The following PAX9 variants were observed in gnomAD, a reference collection of about 807,000 sequenced individuals.
PAX9 encodes the protein paired box protein Pax-9.
PAX9 carries 6 observed loss-of-function variants against 29.1 expected under a neutral mutation model. The ratio of observed to expected loss-of-function variants is 0.21; its 90% confidence interval spans 0.11 to 0.41. The LOEUF (loss-of-function observed/expected upper bound fraction) is 0.41. PAX9 is among the 10% of genes least tolerant of loss of function. PAX9 has a pLI of 1.00. For synonymous variants in PAX9, 217 were observed against 211.7 expected (o/e 1.03, Z -0.22); for missense variants, 443 against 479.1 (o/e 0.92, Z 0.70).
chr14:36,661,864 C>A lies in PAX9; in HGVS notation c.-226C>A. 1.6e-6 allele frequency: 1 copy of A among 630,538 alleles called. No individual in the cohort carries two copies. 39.1% of individuals were successfully genotyped at this position (630,538 alleles called of 1,614,324 possible). On this transcript the variant is annotated 5_prime_UTR_variant, in exon 1 of 4. Transcript: ENST00000361487. ...CGGAGCCGCCCTGCCCTGCTCAGCC[C>A]AGCCCACGTTGCTGCTTAGATTGAA...
At chr14:36,666,124 G>A (rs984381123) in intron 2 of PAX9, 6 of 305,562 alleles carry the variant, frequency 2.0e-5, no homozygotes, top group Non-Finnish European at 3.1e-5. Flanking sequence ...AGCCTTAAGG[G>A]TTCCTTCTCC....
At chr14:36,668,489 A>G (rs1260404516) in intron 3 of PAX9, among the ~76,000 whole-genome samples, 1 of 152,188 alleles carries the variant, frequency 6.6e-6, no homozygotes, top group Non-Finnish European at 1.5e-5. Context: ...CCCGGGTTCA[A>G]GCGGTTCTCC....
upstream of PAX9, among the ~76,000 whole-genome samples, chr14:36,660,306 C>T (rs1194227674): frequency 6.6e-6 from 1 of 152,180 alleles, no homozygotes; most frequent in Non-Finnish European, 1.5e-5. Flanking sequence ...GCTATCAAGT[C>T]AAACTTCAAG....
chr14:36,674,777 AAC>A (rs1417825339), intron 3 of PAX9, among the ~76,000 whole-genome samples: 2 of 152,354 alleles, frequency 1.3e-5, no homozygotes, highest in East Asian at 3.9e-4. Flanking sequence ...AACATTGAAA[AAC>A]ACAACATGAG....
rs1057319266 is a variant in PAX9, at chr14:36,662,611, T to G, written c.5-286T>G. The G allele has an allele frequency of 2.3e-5, 12 of 515,292 alleles. No individual in the cohort carries two copies. In the Admixed American group the frequency reaches 3.5e-4, roughly 15 times the overall value. The allele number at this position is 515,292 out of a possible 1,614,324, so 31.9% of individuals were successfully genotyped here. ...AGGCGTCAAGACCGATTTCTCCCCC[T>G]GCTTCGGGAGACTTTTGAACGCTCG... On this transcript the variant is annotated intron_variant, in intron 1 of 3. Coordinates refer to ENST00000361487, the MANE Select transcript of PAX9 (RefSeq NM_001372076.1).
upstream of PAX9, chr14:36,657,589 A>G (rs1188735736): frequency 6.6e-6 from 1 of 152,194 alleles, no homozygotes; most frequent in South Asian, 2.1e-4. Context: ...TCTCGCAAGG[A>G]GAAAGCGGGC....
rs1032508360 is a variant in PAX9 at position 36,678,428 on chromosome 14, G to A, written c.*1976G>A. 1.1e-5 allele frequency: 15 copies of A among 1,381,486 alleles called. No homozygotes were observed. The African/African-American group carries it at 2.1e-4, about 20-fold the overall frequency. 85.6% of individuals were successfully genotyped at this position (1,381,486 alleles called of 1,614,324 possible). A position where few individuals can be genotyped will look rare whatever the true frequency, so the allele number is the denominator to read the frequency against. On this transcript the variant is annotated 3_prime_UTR_variant, in exon 4 of 4. Transcript: ENST00000361487. ...AGCAGAAGGAGCAGATGAACTCTCA[G>A]GGCCATAGTCTTCCTTTGATCTTGT... is the stretch of plus-strand genomic sequence containing the variant.
intron 3 of PAX9, among the ~76,000 whole-genome samples, chr14:36,674,435 T>C (rs1881808895): frequency 6.6e-6 from 1 of 152,246 alleles, no homozygotes; most frequent in South Asian, 2.1e-4. Flanking sequence ...TGAGGGTACA[T>C]GGCTAAACCT....
At chr14:36,666,831 G>T (rs1241839875) in intron 3 of PAX9, among the ~76,000 whole-genome samples, 1 of 152,346 alleles carries the variant, frequency 6.6e-6, no homozygotes, top group Non-Finnish European at 1.5e-5. Flanking sequence ...GCTCGTCAGG[G>T]CGCTGGGGGT....
Position 36,663,241 on chromosome 14 carries a change from G to T in PAX9, c.349G>T (p.Val117Leu). Residue 117 changes from valine to leucine, a missense_variant, in exon 2 of 4, where the codon GTG (valine) becomes TTG (leucine). Val to Leu is a conservative substitution (Grantham distance 32). Coordinates refer to ENST00000361487, the MANE Select transcript of PAX9 (RefSeq NM_001372076.1). ...LADGVCDKYN[V>L]PSVSSISRIL... ...GGACGGCGTGTGCGACAAGTACAAT[G>T]TGCCCTCCGTGAGCTCCATCAGCCG... 1 of 1,614,110 alleles carries T rather than the reference G, an allele frequency of 6.2e-7. No individual in the cohort carries two copies. The highest frequency in any genetic ancestry group is 8.5e-7 in the Non-Finnish European group (1 of 1,180,040).
At chr14:36,657,900 G>A (rs1179937872), upstream of PAX9, 1 of 152,344 alleles carries the variant, frequency 6.6e-6, no homozygotes, top group Non-Finnish European at 1.5e-5. Context: ...CCAGGCCGCA[G>A]GTCAGTGTGC....
chr14:36,678,546 G>A lies in PAX9; in HGVS notation c.*2094G>A. 5.9e-6 allele frequency: 9 copies of A among 1,536,552 alleles called. No homozygotes were observed. Among genetic ancestry groups the A allele is most frequent in the Non-Finnish European group, 7.0e-6 (8 of 1,146,574 alleles). On this transcript the variant is annotated 3_prime_UTR_variant, in exon 4 of 4. Transcript: ENST00000361487. ...AGATCCAATCCAATATTTTGGTGGA[G>A]ACTTCTTTAAAACCATACCATACAG... is the stretch of plus-strand genomic sequence containing the variant.
intron 2 of PAX9, 40 bp downstream of exon 2, chr14:36,663,563 T>A: frequency 6.2e-7 from 1 of 1,611,188 alleles, no homozygotes; most frequent in Non-Finnish European, 8.5e-7. Flanking sequence ...GTGCAGCGTC[T>A]GCCCCCGCAC....
At position 36,672,852 on chromosome 14, in the gene PAX9, C is replaced by CTTTTTT. The variant is rs3061562; in HGVS notation, c.772-3321_772-3316dup. Among the ~76,000 whole-genome samples the CTTTTTT allele has an allele frequency of 9.4e-4, 18 of 19,160 alleles. 5 individuals carry two copies. The highest frequency in any genetic ancestry group is 1.1e-3 in the Non-Finnish European group (11 of 10,444). 12.6% of individuals were successfully genotyped at this position (19,160 alleles called of 152,430 possible). ...TTCTTTTTTCTTTCTTTCTTTCTTCCTTTTTTTTTTTTTTTTTTTTTTTTT... is the reference window on the plus strand; with the variant it reads ...TTCTTTTTTCTTTCTTTCTTTCTTCCTTTTTTTTTTTTTTTTTTTTTTTTTTTTTTT... On this transcript the variant is annotated intron_variant, in intron 3 of 3. Coordinates refer to ENST00000361487, the MANE Select transcript of PAX9 (RefSeq NM_001372076.1).
rs773998473 is a variant in PAX9 at position 36,676,702 on chromosome 14, T to A, written c.*250T>A. 45 of 543,214 alleles carry A rather than the reference T, an allele frequency of 8.3e-5. No individual in the cohort carries two copies. The highest frequency in any genetic ancestry group is 1.4e-4 in the Non-Finnish European group (41 of 300,564). 33.6% of individuals were successfully genotyped at this position (543,214 alleles called of 1,614,324 possible). On this transcript the variant is annotated 3_prime_UTR_variant, in exon 4 of 4. Coordinates refer to ENST00000361487, the MANE Select transcript of PAX9 (RefSeq NM_001372076.1). ...CAACAATAAGCATTGAATGAGACAT[T>A]TGTGTTGCCCACATACTGTCTTAAC...
rs750664427 is a variant in PAX9 at position 36,676,200 on chromosome 14, A to T, written c.774A>T (p.Ala258=). The change falls in exon 4 of 4, where the codon GCA becomes GCT. Residue 258 remains alanine, a splice_region_variant and synonymous_variant. Coordinates refer to ENST00000361487, the MANE Select transcript of PAX9 (RefSeq NM_001372076.1). ...CACTTCTTTTCTACTCCTCTCAGGC[A>T]CCAAATGGTCTCCCAGCTGTGGGCA... ...ALEQEAKYGQ[A]PNGLPAVGSF... 37 of 1,613,992 alleles carry T rather than the reference A, an allele frequency of 2.3e-5. 1 individual carries two copies. Among genetic ancestry groups the T allele is most frequent in the Middle Eastern group, 3.3e-4 (2 of 6,082 alleles).
chr14:36,669,746 C>A (rs907671410), intron 3 of PAX9, among the ~76,000 whole-genome samples: 1 of 152,010 alleles, frequency 6.6e-6, no homozygotes, highest in Non-Finnish European at 1.5e-5. Flanking sequence ...ATGCATATAC[C>A]TATCTTTTGT....
Position 36,678,723 on chromosome 14 carries a change from CTTG to C in PAX9, c.*2274_*2276del, listed in dbSNP as rs1882032228. The C allele has an allele frequency of 1.7e-6, 2 of 1,197,290 alleles. No homozygotes were observed. The highest frequency in any genetic ancestry group is 1.6e-5 in the African/African-American group (1 of 63,906). 74.2% of individuals were successfully genotyped at this position (1,197,290 alleles called of 1,614,324 possible). On this transcript the variant is annotated 3_prime_UTR_variant, in exon 4 of 4. Coordinates refer to ENST00000361487, the MANE Select transcript of PAX9 (RefSeq NM_001372076.1). ...TTTCTTTATCTAAATTAAGAAATCT[CTTG>C]TTATTGTGCTATTTATAATTTTTTT... is the stretch of plus-strand genomic sequence containing the variant.
Position 36,676,300 on chromosome 14 carries a change from G to A in PAX9, c.874G>A (p.Ala292Thr), listed in dbSNP as rs773825763. 5 of 1,614,160 alleles carry A rather than the reference G, an allele frequency of 3.1e-6. No homozygotes were observed. The highest frequency in any genetic ancestry group is 1.6e-4 in the Middle Eastern group (1 of 6,062). Residue 292 changes from alanine to threonine, a missense_variant, in exon 4 of 4, where the codon GCT becomes ACT. Physicochemically the swap from Ala to Thr is moderately conservative, Grantham distance 58. Coordinates refer to ENST00000361487, the MANE Select transcript of PAX9 (RefSeq NM_001372076.1). ...GTCGCCTTACATGACCTACAGTGCTGCTCCTTCTGGTTATGTTGCTGGACA... is the reference window on the plus strand; with the variant it reads ...GTCGCCTTACATGACCTACAGTGCTACTCCTTCTGGTTATGTTGCTGGACA... ...QVSPYMTYSAAPSGYVAGHGW... is the reference protein window; with the variant it reads ...QVSPYMTYSATPSGYVAGHGW...
Sources: allele counts gnomAD v4.1 joint callset (sites outside exome capture counted in the v4.1 genomes callset), GRCh38; gene constraint gnomAD v4.1.1; transcripts MANE v1.5; gene names NCBI Gene and HGNC (gene_info 2026-07-23, HGNC 2026-07-21).